The following DIP2C variants were observed in gnomAD, a reference collection of about 807,000 sequenced individuals.
The protein encoded by DIP2C is DIP2 acetate--CoA ligase C (putative), also known as disco-interacting protein 2 homolog C.
DIP2C carries 33 observed loss-of-function variants against 192.4 expected under a neutral mutation model. The observed-to-expected ratio is 0.17, with a 90% CI of 0.13 to 0.23. The LOEUF (loss-of-function observed/expected upper bound fraction) is 0.23, where lower values mean the gene tolerates loss of function less well. Ranked by LOEUF, DIP2C falls within the 10% of genes least tolerant of loss-of-function variation. The pLI is 1.00. For missense variants in DIP2C, 1,537 were observed against 2,110.1 expected (o/e 0.73, Z 5.32); for synonymous variants, 979 against 864.1 (o/e 1.13, Z -2.33).
In DIP2C at chr10:362,509, C is replaced by T. The variant is rs1564615744; in HGVS notation, c.2775G>A (p.Lys925=). 6.2e-7 allele frequency: 1 copy of T among 1,613,900 alleles called. No individual in the cohort carries two copies. The highest frequency in any genetic ancestry group is 1.1e-5 in the South Asian group (1 of 91,060). ...CPHTCVTNLP[K]PRQKQPEIGP... ...ACATACCTGGCTGCTTCTGTCGAGG[C>T]TTAGGCAAGTTTGTGACGCAGGTGT... The change falls in exon 22 of 37, where the codon AAG becomes AAA. Residue 925 remains lysine (K), a synonymous_variant. Coordinates refer to ENST00000280886, the MANE Select transcript of DIP2C (RefSeq NM_014974.3).
At chr10:522,964 A>G (rs1846803832) in intron 1 of DIP2C, among the ~76,000 whole-genome samples, 1 of 150,786 alleles carries the variant, frequency 6.6e-6, no homozygotes, top group Non-Finnish European at 1.5e-5. Context: ...GTTCATTTCT[A>G]CCTGACACTA....
intron 4 of DIP2C, among the ~76,000 whole-genome samples, chr10:433,507 T>C (rs2133227881): frequency 6.6e-6 from 1 of 151,534 alleles, no homozygotes; most frequent in East Asian, 1.9e-4. Flanking sequence ...TGAAACCCCA[T>C]CTCTACAAAA....
intron 3 of DIP2C, among the ~76,000 whole-genome samples, chr10:443,086 T>A (rs999861299): frequency 6.6e-6 from 1 of 152,220 alleles, no homozygotes; most frequent in Non-Finnish European, 1.5e-5. Flanking sequence ...GCAATGTTAA[T>A]GTCGGCAACT....
At chr10:403,821 T>G (rs1311183671) in intron 9 of DIP2C, among the ~76,000 whole-genome samples, 16 of 121,238 alleles carry the variant, frequency 1.3e-4, no homozygotes, top group African/African-American at 1.6e-4. Context: ...TTTGGTACGT[T>G]TTCATCAGCA....
intron 6 of DIP2C, among the ~76,000 whole-genome samples, chr10:418,099 CCCCGTCCACCTGTCGGAGCTCG>C (rs1965896160): frequency 1.7e-4 from 1 of 5,852 alleles, no homozygotes; most frequent in African/African-American, 4.4e-4. Flanking sequence ...AGATAGGCAT[CCCCGTCCACCTGTCGGAGCTCG>C]GATAGGCCTC....
rs370870195 is a variant in DIP2C at position 603,406 on chromosome 10, C to T, written c.85+86088G>A. ...TATACCCCAACCCTTATTCAAAGGTCGCCTAACACTGACTCAGGACCTCTG... is the reference window on the plus strand; with the variant it reads ...TATACCCCAACCCTTATTCAAAGGTTGCCTAACACTGACTCAGGACCTCTG... On this transcript the variant is annotated intron_variant, in intron 1 of 36. Transcript: ENST00000280886. 1.2e-4 allele frequency among the ~76,000 whole-genome samples: 18 copies of T among 149,000 alleles called. No homozygotes were observed. The East Asian group carries it at 2.4e-3, about 20-fold the overall frequency.
Position 274,260 on chromosome 10 carries a change from T to A in DIP2C, c.*3065A>T, listed in dbSNP as rs1191467810. On this transcript the variant is annotated 3_prime_UTR_variant, in exon 37 of 37. Transcript: ENST00000280886. ...TTAAAAAAAACATTTCACAAAACATTTGTTGCCATAGGAATTATTTTTAGC... is the reference window on the plus strand; with the variant it reads ...TTAAAAAAAACATTTCACAAAACATATGTTGCCATAGGAATTATTTTTAGC... The A allele has an allele frequency of 6.6e-6, 1 of 152,220 alleles. No individual in the cohort carries two copies. The highest frequency in any genetic ancestry group is 1.5e-5 in the Non-Finnish European group (1 of 68,042). The allele number at this position is 152,220 out of a possible 1,614,324, so 9.4% of individuals were successfully genotyped here.
intron 1 of DIP2C, among the ~76,000 whole-genome samples, chr10:628,315 C>T (rs1269066167): frequency 1.3e-5 from 2 of 152,216 alleles, no homozygotes; most frequent in African/African-American, 2.4e-5. Flanking sequence ...CCCTGAAGAA[C>T]GAGACCATTG....
chr10:295,527 G>A (rs1955708132), intron 32 of DIP2C, among the ~76,000 whole-genome samples: 1 of 139,896 alleles, frequency 7.1e-6, no homozygotes, highest in Non-Finnish European at 1.5e-5. Context: ...CGCCACTGCA[G>A]TCCCACCTGG....
At chr10:502,291 A>G (rs977584704) in intron 1 of DIP2C, among the ~76,000 whole-genome samples, 6 of 152,244 alleles carry the variant, frequency 3.9e-5, no homozygotes, top group African/African-American at 1.4e-4. Flanking sequence ...ATGAATTTTT[A>G]TCTTTTGCTA....
chr10:288,102 T>A (rs573935649), intron 33 of DIP2C, among the ~76,000 whole-genome samples: 104 of 152,292 alleles, frequency 6.8e-4, no homozygotes, highest in African/African-American at 2.4e-3. Flanking sequence ...TGGGCTCCAA[T>A]GCGCAGAACG....
chr10:586,171 T>A (rs1193556729), intron 1 of DIP2C, among the ~76,000 whole-genome samples: 1 of 152,064 alleles, frequency 6.6e-6, no homozygotes, highest in Non-Finnish European at 1.5e-5. Context: ...ACAACTTCTC[T>A]GGGAGAGAGA....
At chr10:512,930 A>G (rs1346354276) in intron 1 of DIP2C, among the ~76,000 whole-genome samples, 1 of 151,232 alleles carries the variant, frequency 6.6e-6, no homozygotes, top group Non-Finnish European at 1.5e-5. Flanking sequence ...AGGAAAAAAA[A>G]AAAAAAAAAA....
At chr10:499,761 A>C (rs1845095700) in intron 1 of DIP2C, among the ~76,000 whole-genome samples, 2 of 152,206 alleles carry the variant, frequency 1.3e-5, no homozygotes, top group Non-Finnish European at 2.9e-5. Flanking sequence ...ATTCGAGATG[A>C]GATTTGGGTG....
Position 530,653 on chromosome 10 carries a change from TAAAAAAAAA to T in DIP2C, c.86-44132_86-44124del, listed in dbSNP as rs59344971. Among the ~76,000 whole-genome samples, 3 of 106,088 alleles carry T rather than the reference TAAAAAAAAA, an allele frequency of 2.8e-5. 1 individual carries two copies. The South Asian group carries it at 1.1e-3, about 38-fold the overall frequency. 69.6% of individuals were successfully genotyped at this position (106,088 alleles called of 152,430 possible). ...GGCAATACAGCAAGACCCTATCTCT[TAAAAAAAAA>T]AAAAAAAAAAAAGACTGTTACTAAC... On this transcript the variant is annotated intron_variant, in intron 1 of 36. Coordinates refer to ENST00000280886, the MANE Select transcript of DIP2C (RefSeq NM_014974.3).
rs528054364 is a variant in DIP2C at position 283,488 on chromosome 10, A to T, written c.4120-42T>A. 1.9e-6 allele frequency: 3 copies of T among 1,605,354 alleles called. No homozygotes were observed. The South Asian group carries it at 3.3e-5, about 18-fold the overall frequency. On this transcript the variant is annotated intron_variant, in intron 34 of 36. Transcript: ENST00000280886. The stretch of plus-strand genomic sequence containing the variant: ...ATGTCACTGTGGATGACATTATTTT[A>T]TCTCCAGGGAAATGAGACTACAACT...
intron 1 of DIP2C, among the ~76,000 whole-genome samples, chr10:550,388 T>C (rs1317590358): frequency 1.3e-5 from 2 of 152,184 alleles, no homozygotes; most frequent in African/African-American, 4.8e-5. Flanking sequence ...AGCATTCAAT[T>C]ACCCACAGGT....
At chr10:508,192 T>TCATTC (rs1461656110) in intron 1 of DIP2C, among the ~76,000 whole-genome samples, 1 of 152,122 alleles carries the variant, frequency 6.6e-6, no homozygotes, top group Non-Finnish European at 1.5e-5. Context: ...ACTTACACCC[T>TCATTC]CATTCCAGGC....
chr10:423,448 T>C (rs1966347054), intron 4 of DIP2C, among the ~76,000 whole-genome samples: 1 of 152,246 alleles, frequency 6.6e-6, no homozygotes, highest in Non-Finnish European at 1.5e-5. Context: ...TTGTTAGTCC[T>C]GAGATGTTCT....
Sources: gnomAD v4.1 joint callset for allele counts (sites outside exome capture counted in the v4.1 genomes callset) on GRCh38, gnomAD v4.1.1 for gene constraint, MANE v1.5 for transcripts, NCBI Gene and HGNC (gene_info 2026-07-23, HGNC 2026-07-21) for gene names.